Variants in NALF1 observed in about 807,000 individuals in gnomAD.
The protein encoded by NALF1 is NALCN channel auxiliary factor 1, also known as family with sequence similarity 155 member A.
A neutral mutation model predicts 48.4 loss-of-function variants in NALF1; 3 were observed. The ratio of observed to expected loss-of-function variants is 0.06; its 90% CI spans 0.03 to 0.16. The LOEUF is 0.16. Ranked by LOEUF, NALF1 falls within the 10% of genes least tolerant of loss-of-function variation. NALF1 has a pLI of 1.00. For synonymous variants in NALF1, 262 were observed against 245.7 expected (o/e 1.07, Z -0.62); for missense variants, 526 against 571.5 (o/e 0.92, Z 0.81).
chr13:107,241,088 G>T (rs1192199887), intron 1 of NALF1, among the ~76,000 whole-genome samples: 2 of 146,300 alleles, frequency 1.4e-5, no homozygotes, highest in East Asian at 4.0e-4. Flanking sequence ...GAACTACTCA[G>T]GAGGCTGAGG....
chr13:107,569,865 A>G (rs1238166972), intron 1 of NALF1, among the ~76,000 whole-genome samples: 3 of 152,206 alleles, frequency 2.0e-5, no homozygotes, highest in African/African-American at 7.2e-5. Flanking sequence ...TAGTCTTCCA[A>G]TACATGAACA....
chr13:107,428,402 G>A (rs755651410), intron 1 of NALF1, among the ~76,000 whole-genome samples: 1 of 152,182 alleles, frequency 6.6e-6, no homozygotes, highest in Admixed American at 6.5e-5. Flanking sequence ...GCTGCCTTCT[G>A]TATGGGAAAT....
intron 1 of NALF1, among the ~76,000 whole-genome samples, chr13:107,296,707 A>T (rs1881733243): frequency 6.6e-6 from 1 of 152,178 alleles, no homozygotes; most frequent in Non-Finnish European, 1.5e-5. Context: ...AGCAGGCAAC[A>T]TTCCTAGTTG....
rs1186541364 is a variant in NALF1, at chr13:107,166,974, T to C, written c.*3523A>G. ...ACTGCCTTGTGAGAGAGGGGAAAAATACTATCTTTTTAATGCAAGAAAAGT... is the reference window on the plus strand; with the variant it reads ...ACTGCCTTGTGAGAGAGGGGAAAAACACTATCTTTTTAATGCAAGAAAAGT... On this transcript the variant is annotated 3_prime_UTR_variant, in exon 3 of 3. Coordinates refer to ENST00000375915, the MANE Select transcript of NALF1 (RefSeq NM_001080396.3). 6.6e-6 allele frequency: 1 copy of C among 152,118 alleles called. No homozygotes were observed. Among genetic ancestry groups the C allele is most frequent in the African/African-American group, 2.4e-5 (1 of 41,402 alleles). 9.4% of individuals were successfully genotyped at this position (152,118 alleles called of 1,614,324 possible). A position where few individuals can be genotyped will look rare whatever the true frequency, so the allele number is the denominator to read the frequency against.
At chr13:107,345,228 C>A (rs375322292) in intron 1 of NALF1, among the ~76,000 whole-genome samples, 1 of 151,982 alleles carries the variant, frequency 6.6e-6, no homozygotes, top group Non-Finnish European at 1.5e-5. Flanking sequence ...AATGTTTATA[C>A]GACTCAAAGC....
intron 1 of NALF1, among the ~76,000 whole-genome samples, chr13:107,431,938 A>T (rs918370486): frequency 2.0e-5 from 3 of 152,286 alleles, no homozygotes; most frequent in Admixed American, 2.0e-4. Context: ...ATGAGGGACC[A>T]CTTCATTGCA....
chr13:107,614,613 T>C lies in NALF1; in HGVS notation c.915+251069A>G, dbSNP rs542374519. Among the ~76,000 whole-genome samples, 3 of 152,310 alleles carry C rather than the reference T, an allele frequency of 2.0e-5. No homozygotes were observed. The South Asian group carries it at 6.2e-4, about 32-fold the overall frequency. On this transcript the variant is annotated intron_variant, in intron 1 of 2. Coordinates refer to ENST00000375915, the MANE Select transcript of NALF1 (RefSeq NM_001080396.3). ...AACTGCTGTTTAAATTTTCATTAAG[T>C]AAACAAATATACCAACTATTCTCTG...
chr13:107,348,843 T>G (rs1469086874), intron 1 of NALF1, among the ~76,000 whole-genome samples: 1 of 152,224 alleles, frequency 6.6e-6, no homozygotes, highest in Non-Finnish European at 1.5e-5. Flanking sequence ...GCTGCTACAA[T>G]TCAACCATAA....
At chr13:107,195,603 G>C (rs976617314) in intron 2 of NALF1, among the ~76,000 whole-genome samples, 5 of 152,170 alleles carry the variant, frequency 3.3e-5, no homozygotes, top group Non-Finnish European at 7.3e-5. Flanking sequence ...GCTAGCATCT[G>C]TTTAATTTGC....
intron 1 of NALF1, among the ~76,000 whole-genome samples, chr13:107,318,990 C>T (rs1171387817): frequency 2.0e-5 from 3 of 152,014 alleles, no homozygotes; most frequent in South Asian, 2.1e-4. Flanking sequence ...TCTACATAGA[C>T]GTATGATTGT....
At chr13:107,661,691 T>A (rs1007720837) in intron 1 of NALF1, among the ~76,000 whole-genome samples, 1 of 151,790 alleles carries the variant, frequency 6.6e-6, no homozygotes, top group Non-Finnish European at 1.5e-5. Context: ...TGAGATAACA[T>A]CCTGTCATCC....
At chr13:107,583,996 A>C (rs762448914) in intron 1 of NALF1, among the ~76,000 whole-genome samples, 2 of 152,154 alleles carry the variant, frequency 1.3e-5, no homozygotes, top group Non-Finnish European at 2.9e-5. Flanking sequence ...AAGGGAGTAT[A>C]TAGCAATGAG....
At chr13:107,559,084 T>C (rs971231047) in intron 1 of NALF1, among the ~76,000 whole-genome samples, 4 of 152,196 alleles carry the variant, frequency 2.6e-5, no homozygotes, top group South Asian at 4.1e-4. Context: ...GATCTCTTTC[T>C]GTACATGCAT....
intron 1 of NALF1, among the ~76,000 whole-genome samples, chr13:107,665,593 G>A (rs959676349): frequency 2.0e-5 from 3 of 151,910 alleles, no homozygotes; most frequent in Non-Finnish European, 4.4e-5. Context: ...TCTCAATTCT[G>A]AGTAAACTAT....
chr13:107,187,818 A>G (rs757325528), intron 2 of NALF1, among the ~76,000 whole-genome samples: 5 of 152,104 alleles, frequency 3.3e-5, no homozygotes, highest in Non-Finnish European at 7.4e-5. Flanking sequence ...GAAGATTCTC[A>G]ACTCTGGCCT....
intron 1 of NALF1, among the ~76,000 whole-genome samples, chr13:107,453,647 A>C (rs1884778953): frequency 6.6e-6 from 1 of 152,182 alleles, no homozygotes; most frequent in Non-Finnish European, 1.5e-5. Flanking sequence ...TTGATATTTA[A>C]CATTTAGCTC....
rs887222515 is a variant in NALF1, at chr13:107,650,126, T to C, written c.915+215556A>G. The stretch of plus-strand genomic sequence containing the variant: ...GTTAAGTCAAAGATCGGAGTTTTTG[T>C]CCCTGGTGGCATATCCTACACTGTC... On this transcript the variant is annotated intron_variant, in intron 1 of 2. Transcript: ENST00000375915. 3.3e-5 allele frequency among the ~76,000 whole-genome samples: 5 copies of C among 152,224 alleles called. No homozygotes were observed. In the South Asian group the frequency reaches 1.0e-3, roughly 32 times the overall value.
chr13:107,416,147 C>T (rs905749737), intron 1 of NALF1, among the ~76,000 whole-genome samples: 3 of 151,308 alleles, frequency 2.0e-5, no homozygotes, highest in Non-Finnish European at 2.9e-5. Flanking sequence ...GCTGGGACTA[C>T]AGGCACCCAC....
At chr13:107,529,210 T>C (rs1876545125) in intron 1 of NALF1, among the ~76,000 whole-genome samples, 1 of 152,166 alleles carries the variant, frequency 6.6e-6, no homozygotes, top group South Asian at 2.1e-4. Context: ...AGCATATGGC[T>C]GGCTGACTCT....
Sources: gnomAD v4.1 joint callset for allele counts (sites outside exome capture counted in the v4.1 genomes callset) on GRCh38, gnomAD v4.1.1 for gene constraint, MANE v1.5 for transcripts, NCBI Gene and HGNC (gene_info 2026-07-23, HGNC 2026-07-21) for gene names.